Variants in SPAST observed in about 807,000 individuals in gnomAD.
SPAST encodes the protein spastin.
SPAST carries 30 observed loss-of-function variants against 76.6 expected under a neutral mutation model. The observed-to-expected ratio is 0.39, with a 90% CI of 0.29 to 0.53. SPAST has a LOEUF of 0.53. SPAST is among the 20% of genes least tolerant of loss of function. The pLI is 0.68. For synonymous variants in SPAST, 305 were observed against 281.0 expected (o/e 1.09, Z -0.86); for missense variants, 717 against 770.5 (o/e 0.93, Z 0.82).
At chr2:32,087,940 A>G (rs138816340) in intron 2 of SPAST, among the ~76,000 whole-genome samples, 24 of 151,498 alleles carry the variant, frequency 1.6e-4, no homozygotes, top group East Asian at 9.7e-4. Context: ...CTGTAGTGCA[A>G]TGGTGCAATC....
chr2:32,087,749 G>A (rs1248629282), intron 2 of SPAST, among the ~76,000 whole-genome samples, 171 bp downstream of exon 2: 1 of 137,406 alleles, frequency 7.3e-6, no homozygotes, highest in East Asian at 2.1e-4. Flanking sequence ...AGGCTGGAGT[G>A]CAGTGATGTG....
chr2:32,120,256 A>T (rs11681731), intron 7 of SPAST, among the ~76,000 whole-genome samples: 63,978 of 151,860 alleles, frequency 0.42, 13,797 homozygotes, highest in East Asian at 0.64. Flanking sequence ...AATTTTTGTT[A>T]CCTTTTCGAA....
At chr2:32,131,180 C>T (rs1679358676) in intron 9 of SPAST, among the ~76,000 whole-genome samples, 1 of 152,156 alleles carries the variant, frequency 6.6e-6, no homozygotes, top group African/African-American at 2.4e-5. Context: ...TGGGATTCCT[C>T]TTCATGGAGT....
chr2:32,068,325 CTT>C (rs34133490), intron 1 of SPAST, among the ~76,000 whole-genome samples: 76 of 132,196 alleles, frequency 5.7e-4, no homozygotes, highest in Middle Eastern at 4.5e-3. Context: ...GTTGACAGCT[CTT>C]TTTTTTTTTT....
chr2:32,079,224 C>G (rs1284741475), intron 1 of SPAST, among the ~76,000 whole-genome samples: 1 of 152,114 alleles, frequency 6.6e-6, no homozygotes, highest in Non-Finnish European at 1.5e-5. Flanking sequence ...CTGATTAGAA[C>G]TGTGTTTTTA....
At chr2:32,139,632 A>G (rs1679650973) in intron 12 of SPAST, among the ~76,000 whole-genome samples, 2 of 152,086 alleles carry the variant, frequency 1.3e-5, no homozygotes, top group Admixed American at 1.3e-4. Flanking sequence ...GTTCGAGACC[A>G]GCCTGACCAA....
chr2:32,150,687 C>T (rs1573180744), intron 16 of SPAST, among the ~76,000 whole-genome samples: 1 of 152,000 alleles, frequency 6.6e-6, no homozygotes, highest in South Asian at 2.1e-4. Context: ...CCCACTTGCA[C>T]CTCCCAAAAT....
chr2:32,076,277 C>G (rs1192356029), intron 1 of SPAST, among the ~76,000 whole-genome samples: 1 of 152,132 alleles, frequency 6.6e-6, no homozygotes, highest in Non-Finnish European at 1.5e-5. Flanking sequence ...AGAATGATGT[C>G]TTTACATAGG....
chr2:32,078,209 C>G (rs1320531294), intron 1 of SPAST, among the ~76,000 whole-genome samples: 1 of 152,044 alleles, frequency 6.6e-6, no homozygotes, highest in Non-Finnish European at 1.5e-5. Flanking sequence ...CCGGGATGGT[C>G]TCGATCTCCT....
chr2:32,087,362 G>C (rs565009936), intron 1 of SPAST, 130 bp from the exon 2 acceptor site: 1 of 537,414 alleles, frequency 1.9e-6, no homozygotes, highest in Admixed American at 2.8e-5. Flanking sequence ...AAAATACTAA[G>C]AAGTTATATA....
At chr2:32,086,853 T>C (rs1677502758) in intron 1 of SPAST, among the ~76,000 whole-genome samples, 1 of 152,216 alleles carries the variant, frequency 6.6e-6, no homozygotes, top group Non-Finnish European at 1.5e-5. Context: ...TTCAAATATG[T>C]GATTTGAGTA....
intron 1 of SPAST, among the ~76,000 whole-genome samples, chr2:32,075,415 G>C (rs1676911757): frequency 9.8e-6 from 1 of 101,650 alleles, no homozygotes; most frequent in African/African-American, 3.9e-5. Flanking sequence ...CACAGAGCGA[G>C]ACTCTGTCTC....
intron 16 of SPAST, among the ~76,000 whole-genome samples, chr2:32,151,001 A>G (rs888804423): frequency 9.0e-5 from 13 of 144,852 alleles, no homozygotes; most frequent in Admixed American, 2.9e-4. Context: ...CTGGAGTGCA[A>G]TGGTGCAATC....
At chr2:32,112,446 C>T (rs1678652594) in intron 4 of SPAST, among the ~76,000 whole-genome samples, 1 of 147,310 alleles carries the variant, frequency 6.8e-6, no homozygotes, top group African/African-American at 2.5e-5. Flanking sequence ...CTCCTTGGTT[C>T]AAGCAATTCT....
At position 32,091,405 on chromosome 2, in the gene SPAST, C is replaced by T. The variant is rs1006627950; in HGVS notation, c.586+1800C>T. On this transcript the variant is annotated intron_variant, in intron 3 of 16. Transcript: ENST00000315285. ...AAACTATTCTCGTGATTCAGTCTCCCGAGTAGCTAGGATTACAGGGGCCTA... is the reference window on the plus strand; with the variant it reads ...AAACTATTCTCGTGATTCAGTCTCCTGAGTAGCTAGGATTACAGGGGCCTA... 2.7e-5 allele frequency among the ~76,000 whole-genome samples: 4 copies of T among 150,790 alleles called. No homozygotes were observed. In the East Asian group the frequency reaches 6.0e-4, roughly 23 times the overall value.
chr2:32,152,142 C>G (rs971061634), intron 16 of SPAST, among the ~76,000 whole-genome samples: 1 of 152,154 alleles, frequency 6.6e-6, no homozygotes, highest in Non-Finnish European at 1.5e-5. Context: ...CCCCCCTTAA[C>G]TGAACCAGCT....
chr2:32,078,518 T>C (rs1419546188), intron 1 of SPAST, among the ~76,000 whole-genome samples: 1 of 152,068 alleles, frequency 6.6e-6, no homozygotes, highest in Non-Finnish European at 1.5e-5. Flanking sequence ...AGTGTAGTGG[T>C]GCATGTCTCT....
At chr2:32,072,443 A>G (rs949931906) in intron 1 of SPAST, among the ~76,000 whole-genome samples, 20 of 151,986 alleles carry the variant, frequency 1.3e-4, no homozygotes, top group African/African-American at 4.8e-4. Flanking sequence ...ACATCTTAAT[A>G]TCTCTGTTTT....
intron 5 of SPAST, among the ~76,000 whole-genome samples, chr2:32,115,395 C>A (rs1202121375): frequency 6.6e-6 from 1 of 152,014 alleles, no homozygotes; most frequent in Non-Finnish European, 1.5e-5. Flanking sequence ...TTATTTCAAT[C>A]TTTGTAAATG....
Sources: allele counts gnomAD v4.1 joint callset (sites outside exome capture counted in the v4.1 genomes callset), GRCh38; gene constraint gnomAD v4.1.1; transcripts MANE v1.5; gene names NCBI Gene and HGNC (gene_info 2026-07-23, HGNC 2026-07-21).